Variants in CTNNBIP1 observed in about 807,000 individuals in gnomAD.
CTNNBIP1 encodes catenin beta interacting protein 1.
A neutral mutation model predicts 11.8 loss-of-function variants in CTNNBIP1; 7 were observed. The ratio of observed to expected loss-of-function variants is 0.60; its 90% confidence interval spans 0.34 to 1.12. CTNNBIP1 has a LOEUF of 1.12. Among genes scored for constraint, CTNNBIP1 ranks in the 50% most tolerant of loss-of-function variants. The pLI, the probability that CTNNBIP1 is intolerant of heterozygous loss-of-function variation, is 0.03. For missense variants in CTNNBIP1, 101 were observed against 113.4 expected (o/e 0.89, Z 0.50); for synonymous variants, 58 against 43.9 (o/e 1.32, Z -1.26).
At chr1:9,900,342 G>A (rs1400391310) in intron 1 of CTNNBIP1, among the ~76,000 whole-genome samples, 6 of 151,556 alleles carry the variant, frequency 4.0e-5, no homozygotes, top group Admixed American at 6.6e-5. Context: ...CTGTGATCAC[G>A]GTGAGCTGTG....
intron 5 of CTNNBIP1, among the ~76,000 whole-genome samples, chr1:9,863,409 T>G (rs531124624): frequency 6.6e-6 from 1 of 152,334 alleles, no homozygotes; most frequent in Non-Finnish European, 1.5e-5. Flanking sequence ...GCAGAGTCTG[T>G]TACCGCCTGG....
intron 2 of CTNNBIP1, among the ~76,000 whole-genome samples, chr1:9,880,446 CATGT>C (rs1639058512): frequency 6.6e-6 from 1 of 152,138 alleles, no homozygotes; most frequent in Admixed American, 6.5e-5. Flanking sequence ...CATAAGTGTG[CATGT>C]GTCTTTATAG....
intron 5 of CTNNBIP1, 22 bp from the exon 6 acceptor site, chr1:9,850,798 T>G: frequency 1.2e-6 from 2 of 1,612,586 alleles, no homozygotes; most frequent in Non-Finnish European, 1.7e-6. Flanking sequence ...GCGACAAGGA[T>G]CGCTGATGGG....
intron 5 of CTNNBIP1, among the ~76,000 whole-genome samples, chr1:9,859,422 A>G (rs921242814): frequency 1.3e-5 from 2 of 152,214 alleles, no homozygotes; most frequent in Admixed American, 6.5e-5. Flanking sequence ...ATGGGAGCTC[A>G]GGATGAACTC....
intron 5 of CTNNBIP1, among the ~76,000 whole-genome samples, chr1:9,861,529 G>T (rs1570563760): frequency 6.6e-6 from 1 of 152,220 alleles, no homozygotes; most frequent in South Asian, 2.1e-4. Context: ...ATCCACCAGG[G>T]TCTTAGCAGC....
chr1:9,905,209 C>T (rs1639593787), intron 1 of CTNNBIP1, among the ~76,000 whole-genome samples: 1 of 152,190 alleles, frequency 6.6e-6, no homozygotes. Flanking sequence ...ACCACAGCCA[C>T]AAATTTGGCC....
chr1:9,870,085 T>G (rs1451780479), intron 5 of CTNNBIP1, among the ~76,000 whole-genome samples: 2 of 152,162 alleles, frequency 1.3e-5, no homozygotes, highest in Non-Finnish European at 2.9e-5. Context: ...CATCGGTGCT[T>G]GGGAACAGGC....
rs755647345 is a variant in CTNNBIP1, at chr1:9,883,702, C to T, written c.-110+3G>A. On this transcript the variant is annotated splice_donor_region_variant and intron_variant, in intron 2 of 5. Transcript: ENST00000377263. The surrounding 1 kb of genome is among the most constrained non-coding windows in gnomAD (Gnocchi z 5.6). ...CATGGTCCTCCTGGAACTCAGTACT[C>T]ACCCAGTGCTGTCACCGTTGTCAAG... 2.6e-4 allele frequency: 40 copies of T among 153,506 alleles called. No individual in the cohort carries two copies. Among genetic ancestry groups the T allele is most frequent in the Non-Finnish European group, 1.5e-4 (10 of 68,364 alleles). The allele number at this position is 153,506 out of a possible 1,614,324, so 9.5% of individuals were successfully genotyped here. A position where few individuals can be genotyped will look rare whatever the true frequency, so the allele number is the denominator to read the frequency against.
intron 1 of CTNNBIP1, among the ~76,000 whole-genome samples, 193 bp downstream of exon 1, chr1:9,909,902 G>A (rs1458747665): frequency 6.6e-6 from 1 of 152,042 alleles, no homozygotes; most frequent in Admixed American, 6.5e-5. Flanking sequence ...GAGGCGGGAG[G>A]TGGTCTGCGG....
chr1:9,855,964 G>C (rs145346649), intron 5 of CTNNBIP1, among the ~76,000 whole-genome samples: 2 of 152,084 alleles, frequency 1.3e-5, no homozygotes, highest in East Asian at 3.9e-4. Flanking sequence ...TGATCAACAT[G>C]GTGAAACCCC....
chr1:9,880,862 C>A (rs879503686), intron 2 of CTNNBIP1, among the ~76,000 whole-genome samples: 63 of 152,282 alleles, frequency 4.1e-4, no homozygotes, highest in Non-Finnish European at 8.2e-4. Flanking sequence ...CTTCTGTGCA[C>A]TTCATTTCAC....
chr1:9,875,015 G>T (rs1244150970), intron 3 of CTNNBIP1, among the ~76,000 whole-genome samples: 2 of 152,194 alleles, frequency 1.3e-5, no homozygotes, highest in East Asian at 3.9e-4. Context: ...CTCCTGGTGA[G>T]AGACAGGGTG....
chr1:9,879,280 T>TG (rs900262121), intron 2 of CTNNBIP1, among the ~76,000 whole-genome samples: 4 of 151,958 alleles, frequency 2.6e-5, no homozygotes, highest in Non-Finnish European at 5.9e-5. Flanking sequence ...AGCCCTGTAG[T>TG]GGGGGAAAGG....
chr1:9,874,403 T>C (rs576480431), intron 3 of CTNNBIP1, among the ~76,000 whole-genome samples: 7 of 152,304 alleles, frequency 4.6e-5, no homozygotes, highest in Non-Finnish European at 1.0e-4. Flanking sequence ...CACAGAAGCA[T>C]GCCACAACAC....
At chr1:9,870,541 G>A (rs956906350) in intron 5 of CTNNBIP1, among the ~76,000 whole-genome samples, 1 of 152,204 alleles carries the variant, frequency 6.6e-6, no homozygotes, top group African/African-American at 2.4e-5. Flanking sequence ...CAGTTTCCTT[G>A]CCTGTTAAGT....
intron 5 of CTNNBIP1, among the ~76,000 whole-genome samples, chr1:9,862,792 C>T (rs1638658455): frequency 1.3e-5 from 2 of 152,238 alleles, no homozygotes; most frequent in African/African-American, 4.8e-5. Flanking sequence ...TTAGTTCACA[C>T]GCCAGTCTGC....
At chr1:9,905,742 A>G (rs572034205) in intron 1 of CTNNBIP1, among the ~76,000 whole-genome samples, 1 of 152,104 alleles carries the variant, frequency 6.6e-6, no homozygotes, top group South Asian at 2.1e-4. Flanking sequence ...ACCACCCTAC[A>G]TTCTTTTGTT....
chr1:9,852,409 C>T (rs1172431924), intron 5 of CTNNBIP1, among the ~76,000 whole-genome samples: 1 of 152,210 alleles, frequency 6.6e-6, no homozygotes, highest in East Asian at 1.9e-4. Context: ...CCAGCACAAC[C>T]TCCATTGCTC....
intron 1 of CTNNBIP1, among the ~76,000 whole-genome samples, chr1:9,892,845 G>T (rs899858294): frequency 6.6e-6 from 1 of 152,030 alleles, no homozygotes; most frequent in Admixed American, 6.6e-5. Context: ...CAGCTACCTC[G>T]GAACAAAACA....
Sources: allele counts gnomAD v4.1 joint callset (sites outside exome capture counted in the v4.1 genomes callset), GRCh38; gene constraint gnomAD v4.1.1; non-coding constraint Gnocchi (gnomAD v3.1); transcripts MANE v1.5; gene names NCBI Gene and HGNC (gene_info 2026-07-23, HGNC 2026-07-21).